MFAP3L: variants seen among roughly 807,000 people sequenced by gnomAD.
MFAP3L encodes microfibrillar-associated protein 3-like.
In MFAP3L, 5 loss-of-function variants were observed where a neutral mutation model predicts 20.0. That is an observed-to-expected ratio of 0.25 (90% CI 0.13 to 0.53). MFAP3L has a LOEUF of 0.53. MFAP3L is among the 20% of genes least tolerant of loss of function. MFAP3L has a pLI of 0.96. For missense variants in MFAP3L, 409 were observed against 527.5 expected, an observed-to-expected ratio of 0.78 and a Z score of 2.20; for synonymous variants, 219 against 213.0, an observed-to-expected ratio of 1.03 and a Z score of -0.25.
chr4:170,016,868 T>A (rs578246648), intron 1 of MFAP3L, among the ~76,000 whole-genome samples: 1 of 152,284 alleles, frequency 6.6e-6, no homozygotes, highest in South Asian at 2.1e-4. Context: ...TTGCTTACAG[T>A]GGAATTTGAG....
chr4:170,000,858 G>A (rs1169860044), intron 2 of MFAP3L, among the ~76,000 whole-genome samples: 1 of 152,016 alleles, frequency 6.6e-6, no homozygotes, highest in African/African-American at 2.4e-5. Context: ...CAGTAGCAGG[G>A]ACTACAGGTA....
intron 1 of MFAP3L, among the ~76,000 whole-genome samples, chr4:170,016,744 C>T (rs552643124): frequency 5.9e-5 from 9 of 152,206 alleles, no homozygotes; most frequent in Non-Finnish European, 1.0e-4. Context: ...TAACTTACTG[C>T]TCGCCTTTGG....
intron 1 of MFAP3L, among the ~76,000 whole-genome samples, chr4:170,023,080 T>G (rs1332867885): frequency 6.6e-6 from 1 of 152,200 alleles, no homozygotes; most frequent in Non-Finnish European, 1.5e-5. Context: ...TTAGAAGACT[T>G]CTAATTCTTT....
At chr4:169,998,886 T>C (rs934867489) in intron 2 of MFAP3L, among the ~76,000 whole-genome samples, 4 of 152,300 alleles carry the variant, frequency 2.6e-5, no homozygotes, top group Admixed American at 1.3e-4. Context: ...ATGCAAACAA[T>C]AAATGAAATA....
At chr4:170,006,455 C>G (rs1447919866) in intron 1 of MFAP3L, 1 of 152,146 alleles carries the variant, frequency 6.6e-6, no homozygotes, top group Non-Finnish European at 1.5e-5. Flanking sequence ...ATAAGATGTT[C>G]CGGATGTGAA....
Position 170,005,425 on chromosome 4 carries a change from A to C in MFAP3L, c.298+155T>G. On this transcript the variant is annotated intron_variant, in intron 2 of 2. Coordinates refer to ENST00000361618, the MANE Select transcript of MFAP3L (RefSeq NM_021647.8). ...AAAAAATGAATTAATTGCTTCTTTG[A>C]ATCCTTAAGGATATATATTCTCTCC... The C allele has an allele frequency of 3.5e-6, 3 of 859,118 alleles. No individual in the cohort carries two copies. In the South Asian group the frequency reaches 5.3e-5, roughly 15 times the overall value. 53.2% of individuals were successfully genotyped at this position (859,118 alleles called of 1,614,324 possible).
chr4:169,992,386 C>T lies in MFAP3L; in HGVS notation c.299-77G>A, dbSNP rs1737787154. Reference sequence around the variant, plus strand: ...CTACAAACTGATACGTTTCTAAGAACATCTATGAACATCTATGAAGAACAT... The same window carrying T: ...CTACAAACTGATACGTTTCTAAGAATATCTATGAACATCTATGAAGAACAT... On this transcript the variant is annotated intron_variant, in intron 2 of 2. Transcript: ENST00000361618. The surrounding 1 kb of genome is among the most constrained non-coding windows in gnomAD (Gnocchi z 4.3). 1.7e-6 allele frequency: 2 copies of T among 1,152,858 alleles called. No individual in the cohort carries two copies. The highest frequency in any genetic ancestry group is 1.6e-5 in the African/African-American group (1 of 64,448). The allele number at this position is 1,152,858 out of a possible 1,614,324, so 71.4% of individuals were successfully genotyped here.
rs1390513468 is a variant in MFAP3L, at chr4:169,990,738, TAAC to T, written c.*637_*639del. 2.6e-5 allele frequency: 4 copies of T among 152,028 alleles called. No individual in the cohort carries two copies. The highest frequency in any genetic ancestry group is 9.7e-5 in the African/African-American group (4 of 41,266). 9.4% of individuals were successfully genotyped at this position (152,028 alleles called of 1,614,324 possible). The stretch of plus-strand genomic sequence containing the variant: ...ATAGGCCTGGGGAATGAAAAAAAAA[TAAC>T]AAGCCTCGTAACTACTTTGGAACAT... On this transcript the variant is annotated 3_prime_UTR_variant, in exon 3 of 3. Coordinates refer to ENST00000361618, the MANE Select transcript of MFAP3L (RefSeq NM_021647.8).
chr4:169,993,264 C>A (rs1022190697), intron 2 of MFAP3L, among the ~76,000 whole-genome samples: 1 of 152,190 alleles, frequency 6.6e-6, no homozygotes, highest in African/African-American at 2.4e-5. Context: ...TGAAACCCTA[C>A]TACCTCCCTG....
rs1365112704 is a variant in MFAP3L at position 169,992,511 on chromosome 4, CCT to C, written c.299-204_299-203del. Among the ~76,000 whole-genome samples, 6 of 152,204 alleles carry C rather than the reference CCT, an allele frequency of 3.9e-5. No homozygotes were observed. Among genetic ancestry groups the C allele is most frequent in the Non-Finnish European group, 8.8e-5 (6 of 68,040 alleles). The stretch of plus-strand genomic sequence containing the variant: ...CTCACAATAACTCTGCAAGGTGGCC[CCT>C]GACACTGCCTCCGTTTTACAGGATG... On this transcript the variant is annotated intron_variant, in intron 2 of 2. Transcript: ENST00000361618. The surrounding 1 kb of genome is among the most constrained non-coding windows in gnomAD (Gnocchi z 4.3).
intron 2 of MFAP3L, among the ~76,000 whole-genome samples, chr4:169,998,672 A>G (rs756388117): frequency 1.5e-4 from 23 of 152,226 alleles, no homozygotes; most frequent in Non-Finnish European, 3.2e-4. Context: ...GTAAACAGTG[A>G]TGGACGTATG....
chr4:170,005,320 G>C (rs962688865), intron 2 of MFAP3L: 1 of 546,142 alleles, frequency 1.8e-6, no homozygotes, highest in Non-Finnish European at 3.2e-6. Flanking sequence ...TAATGTATTG[G>C]ATGTATTATA....
Position 169,991,769 on chromosome 4 carries a change from G to A in MFAP3L, c.839C>T (p.Ala280Val). ...TGTGTAGACCTCATCCCTGTCTGCG[G>A]CCTCCTGGCCCTCTGGAGTATGCCT... The part of the protein sequence containing the change: ...FVRHTPEGQE[A>V]ADRDEVYTIP... The change falls in exon 3 of 3, where the codon GCC (alanine) becomes GTC (valine). Residue 280 changes from alanine (A) to valine (V), a missense_variant. Transcript: ENST00000361618. This position sits in a 1 kb window ranked among gnomAD's most constrained non-coding sequence, Gnocchi z 4.9. 3.1e-6 allele frequency: 5 copies of A among 1,614,042 alleles called. No individual in the cohort carries two copies. Among genetic ancestry groups the A allele is most frequent in the Non-Finnish European group, 4.2e-6 (5 of 1,180,006 alleles).
chr4:170,007,900 T>TTTTTATAAA (rs1739146820), intron 1 of MFAP3L, among the ~76,000 whole-genome samples: 1 of 152,070 alleles, frequency 6.6e-6, no homozygotes, highest in Non-Finnish European at 1.5e-5. Context: ...TAAATATGGG[T>TTTTTATAAA]GGTAAATATA....
rs1464054654 is a variant in MFAP3L at position 169,991,785 on chromosome 4, G to C, written c.823C>G (p.Pro275Ala). ...EQGQNFVRHT[P>A]EGQEAADRDE... ...CTGTCTGCGGCCTCCTGGCCCTCTG[G>C]AGTATGCCTCACAAAATTCTGCCCC... The change falls in exon 3 of 3, where the codon CCA (proline) becomes GCA (alanine). Residue 275 changes from proline (P) to alanine (A), a missense_variant. By Grantham distance (27) the Pro-to-Ala change is conservative. Around this residue, in one of 3 missense-constraint regions of MFAP3L, gnomAD observed 169 missense variants for 178.2 expected, o/e 0.95. Coordinates refer to ENST00000361618, the MANE Select transcript of MFAP3L (RefSeq NM_021647.8). This position sits in a 1 kb window ranked among gnomAD's most constrained non-coding sequence, Gnocchi z 4.9. The C allele has an allele frequency of 1.9e-6, 3 of 1,614,094 alleles. No individual in the cohort carries two copies. The highest frequency in any genetic ancestry group is 1.7e-6 in the Non-Finnish European group (2 of 1,180,022).
At chr4:170,026,664 A>G (rs912949936), upstream of MFAP3L, among the ~76,000 whole-genome samples, 2 of 152,202 alleles carry the variant, frequency 1.3e-5, no homozygotes, top group African/African-American at 4.8e-5. Flanking sequence ...CGGCCCCCAG[A>G]GCCCCACACC....
chr4:170,022,517 T>A (rs6813657), intron 1 of MFAP3L, among the ~76,000 whole-genome samples: 1 of 152,180 alleles, frequency 6.6e-6, no homozygotes, highest in Non-Finnish European at 1.5e-5. Context: ...AACCTTTCAG[T>A]GGATATGGCT....
At chr4:169,997,824 T>C (rs1197157869) in intron 2 of MFAP3L, 8 of 967,804 alleles carry the variant, frequency 8.3e-6, no homozygotes, top group Admixed American at 6.2e-5. Context: ...TTTTTAATAT[T>C]GCTGAGAATG....
At chr4:169,994,760 A>G (rs1007500822) in intron 2 of MFAP3L, among the ~76,000 whole-genome samples, 2 of 152,236 alleles carry the variant, frequency 1.3e-5, no homozygotes, top group Non-Finnish European at 2.9e-5. Flanking sequence ...TGTCTAACAG[A>G]TAAATTATTA....
Sources: allele counts gnomAD v4.1 joint callset (sites outside exome capture counted in the v4.1 genomes callset), GRCh38; gene constraint gnomAD v4.1.1; regional missense constraint gnomAD v4.1.1; non-coding constraint Gnocchi (gnomAD v3.1); transcripts MANE v1.5; gene names NCBI Gene and HGNC (gene_info 2026-07-23, HGNC 2026-07-21).